Variants in DIAPH3 observed in about 807,000 individuals in gnomAD.
DIAPH3 encodes the protein diaphanous related formin 3, also known as protein diaphanous homolog 3.
A neutral mutation model predicts 144.3 loss-of-function variants in DIAPH3; 117 were observed. That is an observed-to-expected ratio of 0.81 (90% CI 0.70 to 0.95). The LOEUF (loss-of-function observed/expected upper bound fraction) is 0.95, where lower values mean the gene tolerates loss of function less well. Ranked by LOEUF, DIAPH3 falls within the 40% of genes least tolerant of loss-of-function variation. The pLI is 0.00. For synonymous variants in DIAPH3, 519 were observed against 488.9 expected (o/e 1.06, Z -0.81); for missense variants, 1,421 against 1,412.7 (o/e 1.01, Z -0.09).
intron 27 of DIAPH3, among the ~76,000 whole-genome samples, chr13:59,717,238 CA>C (rs1248455144): frequency 2.0e-5 from 3 of 152,164 alleles, no homozygotes; most frequent in African/African-American, 7.2e-5. Flanking sequence ...ATTTATAAAA[CA>C]GCAGTTAAAT....
intron 27 of DIAPH3, among the ~76,000 whole-genome samples, chr13:59,759,749 G>A (rs1296474449): frequency 6.6e-6 from 1 of 152,036 alleles, no homozygotes; most frequent in Non-Finnish European, 1.5e-5. Context: ...TTCGAGACCA[G>A]CCTGGCCAAC....
intron 3 of DIAPH3, among the ~76,000 whole-genome samples, chr13:60,108,673 T>C (rs2058486560): frequency 1.3e-5 from 2 of 151,852 alleles, no homozygotes; most frequent in African/African-American, 4.8e-5. Context: ...GGGAGATAAA[T>C]GGCAGAGAAC....
chr13:59,956,315 G>A (rs1208137464), intron 17 of DIAPH3, among the ~76,000 whole-genome samples: 7 of 152,132 alleles, frequency 4.6e-5, no homozygotes, highest in Middle Eastern at 3.2e-3. Context: ...TTTCGTAGGC[G>A]GGCCAGGGCC....
At chr13:59,778,297 T>C (rs1326706332) in intron 25 of DIAPH3, among the ~76,000 whole-genome samples, 2 of 152,214 alleles carry the variant, frequency 1.3e-5, no homozygotes, top group African/African-American at 2.4e-5. Flanking sequence ...TTCTTTACAA[T>C]GTTATATTGT....
At chr13:59,973,995 T>C (rs113627461) in intron 15 of DIAPH3, among the ~76,000 whole-genome samples, 3 of 152,122 alleles carry the variant, frequency 2.0e-5, no homozygotes, top group African/African-American at 7.2e-5. Flanking sequence ...GCTGAAGGTT[T>C]TAAAAAATAA....
intron 23 of DIAPH3, among the ~76,000 whole-genome samples, chr13:59,837,446 C>T (rs750457074): frequency 3.3e-5 from 5 of 151,942 alleles, no homozygotes; most frequent in Non-Finnish European, 7.4e-5. Context: ...ACCTTTACTC[C>T]AAGCTCAGGA....
intron 25 of DIAPH3, among the ~76,000 whole-genome samples, chr13:59,793,839 T>A (rs532398154): frequency 1.3e-5 from 2 of 152,296 alleles, no homozygotes; most frequent in African/African-American, 4.8e-5. Flanking sequence ...GTGATAAAAC[T>A]GGGAGAATTA....
intron 9 of DIAPH3, among the ~76,000 whole-genome samples, chr13:59,995,594 T>C (rs186557937): frequency 2.0e-5 from 3 of 152,000 alleles, no homozygotes; most frequent in Non-Finnish European, 2.9e-5. Flanking sequence ...TGAAAAAAGA[T>C]GGAAATTTCT....
At chr13:60,128,813 A>G (rs2059060786) in intron 2 of DIAPH3, among the ~76,000 whole-genome samples, 1 of 152,012 alleles carries the variant, frequency 6.6e-6, no homozygotes, top group African/African-American at 2.4e-5. Flanking sequence ...AGGAGTGAAG[A>G]AAATTAGAAA....
At chr13:59,941,405 C>T (rs2048527690) in intron 17 of DIAPH3, among the ~76,000 whole-genome samples, 1 of 152,110 alleles carries the variant, frequency 6.6e-6, no homozygotes, top group Admixed American at 6.5e-5. Flanking sequence ...TCTTCCTCCT[C>T]CCTCATGGTG....
chr13:59,857,101 G>A (rs1428554223), intron 22 of DIAPH3, among the ~76,000 whole-genome samples: 1 of 152,056 alleles, frequency 6.6e-6, no homozygotes, highest in Non-Finnish European at 1.5e-5. Context: ...AACTAATACT[G>A]ATTATTCAAA....
intron 24 of DIAPH3, among the ~76,000 whole-genome samples, chr13:59,818,032 T>C (rs1412623573): frequency 6.6e-6 from 1 of 151,970 alleles, no homozygotes; most frequent in Non-Finnish European, 1.5e-5. Flanking sequence ...ATACAACCTT[T>C]AGAGCAGAGG....
At chr13:59,800,770 G>C (rs1006323980) in intron 25 of DIAPH3, among the ~76,000 whole-genome samples, 3 of 152,162 alleles carry the variant, frequency 2.0e-5, no homozygotes, top group Admixed American at 1.3e-4. Flanking sequence ...CTTTGCTCAA[G>C]TGTGAACGGT....
chr13:59,843,643 C>T lies in DIAPH3; in HGVS notation c.2738-4195G>A, dbSNP rs1802739014. The stretch of plus-strand genomic sequence containing the variant: ...GGTTCTTGAGGCTACTCTACAGATG[C>T]AAATCTCACTAAGCCATTTCTTGTG... On this transcript the variant is annotated intron_variant, in intron 22 of 27. Coordinates refer to ENST00000400324, the MANE Select transcript of DIAPH3 (RefSeq NM_001042517.2). Among the ~76,000 whole-genome samples, 7 of 152,186 alleles carry T rather than the reference C, an allele frequency of 4.6e-5. No individual in the cohort carries two copies. The South Asian group carries it at 1.5e-3, about 32-fold the overall frequency.
intron 25 of DIAPH3, among the ~76,000 whole-genome samples, chr13:59,782,786 G>A (rs894871426): frequency 1.3e-5 from 2 of 152,184 alleles, no homozygotes; most frequent in African/African-American, 4.8e-5. Flanking sequence ...AGAAGGCTCA[G>A]AATATCTGAG....
rs981693422 is a variant in DIAPH3 at position 60,159,582 on chromosome 13, C to A, written c.180+4005G>T. Among the ~76,000 whole-genome samples, 7 of 151,828 alleles carry A rather than the reference C, an allele frequency of 4.6e-5. 1 individual carries two copies. Among genetic ancestry groups the A allele is most frequent in the Admixed American group, 3.9e-4 (6 of 15,256 alleles). On this transcript the variant is annotated intron_variant, in intron 1 of 27. Coordinates refer to ENST00000400324, the MANE Select transcript of DIAPH3 (RefSeq NM_001042517.2). ...GAGGTTGCAGTGAGCCAAGATTGTGCCACTGCACTCCTGTCTGGGCAACAG... is the reference window on the plus strand; with the variant it reads ...GAGGTTGCAGTGAGCCAAGATTGTGACACTGCACTCCTGTCTGGGCAACAG...
At chr13:60,096,145 ATAGT>A (rs1422102868) in intron 3 of DIAPH3, among the ~76,000 whole-genome samples, 2 of 152,360 alleles carry the variant, frequency 1.3e-5, no homozygotes, top group Non-Finnish European at 2.9e-5. Flanking sequence ...AAGTAATGAG[ATAGT>A]TAGGGGATAA....
intron 27 of DIAPH3, among the ~76,000 whole-genome samples, chr13:59,764,658 A>G (rs2037779835): frequency 6.7e-6 from 1 of 150,346 alleles, no homozygotes; most frequent in Non-Finnish European, 1.5e-5. Context: ...AAGTTAAAGG[A>G]CACATGGGGA....
chr13:59,924,011 T>C (rs2047641261), intron 18 of DIAPH3, among the ~76,000 whole-genome samples: 1 of 152,174 alleles, frequency 6.6e-6, no homozygotes, highest in Non-Finnish European at 1.5e-5. Context: ...CATGTAATAA[T>C]TGAGGGAGAC....
Sources: allele counts gnomAD v4.1 joint callset (sites outside exome capture counted in the v4.1 genomes callset), GRCh38; gene constraint gnomAD v4.1.1; transcripts MANE v1.5; gene names NCBI Gene and HGNC (gene_info 2026-07-23, HGNC 2026-07-21).